PCBD2: variants seen among roughly 807,000 people sequenced by gnomAD.
PCBD2 encodes the protein pterin-4-alpha-carbinolamine dehydratase 2.
In PCBD2, 12 loss-of-function variants were observed where a neutral mutation model predicts 16.4. That is an observed-to-expected ratio of 0.73 (90% CI 0.47 to 1.19). The LOEUF is 1.19. Ranked by LOEUF, PCBD2 falls within the 50% of genes most tolerant of loss-of-function variation. The pLI, the probability that PCBD2 is intolerant of heterozygous loss-of-function variation, is 0.00. For synonymous variants in PCBD2, 58 were observed against 61.8 expected, an observed-to-expected ratio of 0.94 and a Z score of 0.29; for missense variants, 138 against 156.8, an observed-to-expected ratio of 0.88 and a Z score of 0.64.
chr5:134,956,300 G>C (rs1294771111), intron 2 of PCBD2, among the ~76,000 whole-genome samples: 1 of 152,160 alleles, frequency 6.6e-6, no homozygotes, highest in Non-Finnish European at 1.5e-5. Context: ...TTTTTTAATT[G>C]TATGTAGATA....
At chr5:134,956,677 A>T (rs1751418780) in intron 2 of PCBD2, among the ~76,000 whole-genome samples, 1 of 152,130 alleles carries the variant, frequency 6.6e-6, no homozygotes, top group Admixed American at 6.5e-5. Context: ...TTTGCTCTAC[A>T]TGTGCGAGTC....
intron 2 of PCBD2, among the ~76,000 whole-genome samples, chr5:134,919,098 G>T (rs319590): frequency 0.79 from 120,293 of 152,182 alleles, 47,933 homozygotes; most frequent in African/African-American, 0.89. Context: ...TGCATAATTT[G>T]CTCTTAGTCA....
intron 2 of PCBD2, chr5:134,924,795 C>A: frequency 2.5e-6 from 1 of 393,274 alleles, no homozygotes; most frequent in South Asian, 1.3e-4. Flanking sequence ...CTAGTCAGGC[C>A]AGGTCTAGGA....
chr5:134,940,068 A>C (rs1161964459), intron 2 of PCBD2, among the ~76,000 whole-genome samples: 1 of 152,134 alleles, frequency 6.6e-6, no homozygotes, highest in African/African-American at 2.4e-5. Context: ...GAGAGGGAGA[A>C]GTAACTCTCC....
At chr5:134,944,147 G>A (rs1751264355) in intron 2 of PCBD2, among the ~76,000 whole-genome samples, 1 of 152,182 alleles carries the variant, frequency 6.6e-6, no homozygotes, top group African/African-American at 2.4e-5. Context: ...ATGCACATGT[G>A]TTCCTGCACT....
chr5:134,905,532 A>G, intron 1 of PCBD2: 1 of 276,886 alleles, frequency 3.6e-6, no homozygotes, highest in Non-Finnish European at 6.7e-6. Context: ...TGTGAAAAGT[A>G]GTTGCAGAAC....
At chr5:134,934,492 A>G (rs1751136186) in intron 2 of PCBD2, among the ~76,000 whole-genome samples, 1 of 152,320 alleles carries the variant, frequency 6.6e-6, no homozygotes, top group Non-Finnish European at 1.5e-5. Flanking sequence ...GTCTTAGTGC[A>G]TCATTTTTTC....
Position 134,905,171 on chromosome 5 carries a change from C to T in PCBD2, c.32C>T (p.Thr11Met). 5 of 1,223,044 alleles carry T rather than the reference C, an allele frequency of 4.1e-6. No individual in the cohort carries two copies. Among genetic ancestry groups the T allele is most frequent in the Non-Finnish European group, 5.1e-6 (5 of 982,664 alleles). 75.8% of individuals were successfully genotyped at this position (1,223,044 alleles called of 1,614,324 possible). Residue 11 changes from threonine (T) to methionine (M), a missense_variant, in exon 1 of 4, where the codon ACG (threonine) becomes ATG (methionine). Thr to Met is a moderately conservative substitution (Grantham distance 81, BLOSUM62 -1). Coordinates refer to ENST00000254908, the MANE Select transcript of PCBD2 (RefSeq NM_032151.5). Reference sequence around the variant, plus strand: ...GCGGTGCTCGGGGCGCTCGGGGCGACGCGGCGCTTGTTGGCGGCGCTGCGA... The same window carrying T: ...GCGGTGCTCGGGGCGCTCGGGGCGATGCGGCGCTTGTTGGCGGCGCTGCGA... MAAVLGALGA[T>M]RRLLAALRGQ...
intron 2 of PCBD2, among the ~76,000 whole-genome samples, chr5:134,951,902 T>C (rs1751362448): frequency 6.6e-6 from 1 of 152,162 alleles, no homozygotes; most frequent in African/African-American, 2.4e-5. Context: ...TATCTTTTGC[T>C]TTTGTTTGTT....
intron 2 of PCBD2, among the ~76,000 whole-genome samples, chr5:134,941,422 C>T (rs1190716365): frequency 6.6e-6 from 1 of 152,126 alleles, no homozygotes; most frequent in Admixed American, 6.5e-5. Context: ...TCATTTATTC[C>T]ATAAATCCCC....
intron 1 of PCBD2, among the ~76,000 whole-genome samples, chr5:134,907,579 T>G (rs1032990143): frequency 7.3e-5 from 11 of 151,314 alleles, no homozygotes; most frequent in Admixed American, 2.6e-4. Context: ...TATGTGTAAG[T>G]TTTTCAGAAC....
At chr5:134,920,377 G>A (rs1197573462) in intron 2 of PCBD2, among the ~76,000 whole-genome samples, 1 of 152,244 alleles carries the variant, frequency 6.6e-6, no homozygotes, top group South Asian at 2.1e-4. Context: ...TAGAAAGGTT[G>A]TTTTTTTGAT....
intron 2 of PCBD2, chr5:134,923,842 T>G (rs1580882038): frequency 2.5e-6 from 1 of 394,006 alleles, no homozygotes; most frequent in Admixed American, 4.4e-5. Flanking sequence ...ACGTCTCGGG[T>G]GATATGGGCG....
At chr5:134,923,628 C>A (rs1238319377) in intron 2 of PCBD2, 2 of 367,120 alleles carry the variant, frequency 5.4e-6, no homozygotes, top group South Asian at 1.4e-4. Context: ...TGTGGCCCCT[C>A]AGAAGGATAT....
intron 2 of PCBD2, among the ~76,000 whole-genome samples, chr5:134,944,664 G>A (rs1336901664): frequency 6.6e-6 from 1 of 152,100 alleles, no homozygotes; most frequent in Non-Finnish European, 1.5e-5. Context: ...GGAATTCTTG[G>A]ACTGTTTTCT....
intron 2 of PCBD2, among the ~76,000 whole-genome samples, chr5:134,917,459 A>G (rs1172451689): frequency 6.6e-6 from 1 of 152,138 alleles, no homozygotes; most frequent in Non-Finnish European, 1.5e-5. Context: ...GGACATGAGG[A>G]GTTTCCAATG....
At position 134,921,288 on chromosome 5, in the gene PCBD2, G is replaced by C. The variant is rs550555388; in HGVS notation, c.216+10822G>C. On this transcript the variant is annotated intron_variant, in intron 2 of 3. Coordinates refer to ENST00000254908, the MANE Select transcript of PCBD2 (RefSeq NM_032151.5). ...TGTACAAGGTGATTGATTTTTTTCA[G>C]CTTACCATGTTAGTCAGGTACTAGA... Among the ~76,000 whole-genome samples, 4 of 152,284 alleles carry C rather than the reference G, an allele frequency of 2.6e-5. 1 individual carries two copies. The South Asian group carries it at 8.3e-4, about 32-fold the overall frequency.
At chr5:134,905,849 G>A (rs916224940) in intron 1 of PCBD2, among the ~76,000 whole-genome samples, 3 of 152,126 alleles carry the variant, frequency 2.0e-5, no homozygotes, top group Non-Finnish European at 4.4e-5. Flanking sequence ...CATTTTAACC[G>A]CCCATTTCAG....
intron 1 of PCBD2, among the ~76,000 whole-genome samples, chr5:134,908,575 G>A (rs1750727323): frequency 6.6e-6 from 1 of 150,808 alleles, no homozygotes; most frequent in Admixed American, 6.6e-5. Context: ...TGAGGCAGAA[G>A]AGTCGCTTGA....
Sources: gnomAD v4.1 joint callset for allele counts (sites outside exome capture counted in the v4.1 genomes callset) on GRCh38, gnomAD v4.1.1 for gene constraint, MANE v1.5 for transcripts, NCBI Gene and HGNC (gene_info 2026-07-23, HGNC 2026-07-21) for gene names.